SLC39A12: variants seen among roughly 807,000 people sequenced by gnomAD.
The protein encoded by SLC39A12 is solute carrier family 39 member 12.
SLC39A12 carries 63 observed loss-of-function variants against 71.1 expected under a neutral mutation model. The observed-to-expected ratio is 0.89, with a 90% CI of 0.72 to 1.09. The LOEUF (loss-of-function observed/expected upper bound fraction) is 1.09. Among genes scored for constraint, SLC39A12 ranks in the 50% least tolerant of loss-of-function variants. The pLI, the probability that SLC39A12 is intolerant of heterozygous loss-of-function variation, is 0.00. For synonymous variants in SLC39A12, 351 were observed against 301.3 expected, an observed-to-expected ratio of 1.16 and a Z score of -1.71; for missense variants, 892 against 812.6, an observed-to-expected ratio of 1.10 and a Z score of -1.19.
At position 17,964,879 on chromosome 10, in the gene SLC39A12, A is replaced by G. The variant is rs113337772; in HGVS notation, c.544-604A>G. ...AGTTTTAAGGATGTTAAACAATAAGAGCAGGAGTTCCCCTTGGAGAAAACA... is the reference window on the plus strand; with the variant it reads ...AGTTTTAAGGATGTTAAACAATAAGGGCAGGAGTTCCCCTTGGAGAAAACA... On this transcript the variant is annotated intron_variant, in intron 3 of 12. Transcript: ENST00000377369. Among the ~76,000 whole-genome samples the G allele has an allele frequency of 3.1e-3, 475 of 152,318 alleles. 2 individuals are homozygous for G. The highest frequency in any genetic ancestry group is 0.011 in the African/African-American group (447 of 41,572).
intron 12 of SLC39A12, among the ~76,000 whole-genome samples, chr10:18,027,404 G>A (rs572378107): frequency 2.0e-5 from 3 of 152,288 alleles, no homozygotes; most frequent in South Asian, 4.1e-4. Context: ...AGAATGCTCT[G>A]GTATATTTCA....
chr10:17,984,790 C>A (rs1835359210), intron 6 of SLC39A12, among the ~76,000 whole-genome samples: 1 of 152,178 alleles, frequency 6.6e-6, no homozygotes, highest in African/African-American at 2.4e-5. Context: ...AGAACTTTTT[C>A]ATCTTGCAAA....
chr10:18,036,765 TATATATATATATATA>T (rs1837042731), intron 12 of SLC39A12, among the ~76,000 whole-genome samples: 2 of 15,412 alleles, frequency 1.3e-4, no homozygotes, highest in African/African-American at 3.5e-4. Flanking sequence ...TATATATATA[TATATATATATATATA>T]TATATATATA....
chr10:18,042,567 A>T (rs1402818946), intron 12 of SLC39A12, 138 bp from the exon 13 acceptor site: 6 of 710,862 alleles, frequency 8.4e-6, no homozygotes, highest in Non-Finnish European at 1.3e-5. Context: ...TAGAGTAGGT[A>T]TTCAGCATTT....
At chr10:18,042,583 C>T (rs1293969890) in intron 12 of SLC39A12, 122 bp from the exon 13 acceptor site, 35 of 873,046 alleles carry the variant, frequency 4.0e-5, no homozygotes, top group Non-Finnish European at 4.9e-5. Context: ...CATTTTGTAA[C>T]TGTTTTGGGA....
intron 5 of SLC39A12, among the ~76,000 whole-genome samples, chr10:17,980,241 G>T (rs926707193): frequency 6.6e-6 from 1 of 151,862 alleles, no homozygotes; most frequent in Admixed American, 6.6e-5. Flanking sequence ...ATAAAACTTT[G>T]TATCCATGAA....
chr10:18,028,931 G>A (rs2497776), intron 12 of SLC39A12, among the ~76,000 whole-genome samples: 85,380 of 151,930 alleles, frequency 0.56, 25,006 homozygotes, highest in Non-Finnish European at 0.66. Flanking sequence ...TACTGGTCAG[G>A]CTGGTCTTGA....
chr10:18,012,377 T>C (rs766669757), intron 12 of SLC39A12, among the ~76,000 whole-genome samples: 3 of 152,218 alleles, frequency 2.0e-5, no homozygotes, highest in Non-Finnish European at 4.4e-5. Flanking sequence ...CAGAATGTTG[T>C]AGAAAGGGAA....
At chr10:18,000,331 G>A (rs573289011) in intron 10 of SLC39A12, among the ~76,000 whole-genome samples, 8 of 152,322 alleles carry the variant, frequency 5.3e-5, no homozygotes, top group Admixed American at 1.3e-4. Flanking sequence ...CATTGCAAAA[G>A]ACAGACGGGA....
At chr10:18,005,893 A>G (rs1028506264) in intron 12 of SLC39A12, 5 of 152,124 alleles carry the variant, frequency 3.3e-5, no homozygotes, top group Admixed American at 1.3e-4. Context: ...GCTACTTCCT[A>G]TCATCCAGGT....
intron 1 of SLC39A12, among the ~76,000 whole-genome samples, chr10:17,952,314 T>A (rs1834421323): frequency 6.6e-6 from 1 of 151,496 alleles, no homozygotes; most frequent in South Asian, 2.1e-4. Context: ...AGTGAGTGTG[T>A]GTGTGTGTGT....
chr10:17,989,793 C>T (rs1926738), intron 7 of SLC39A12, among the ~76,000 whole-genome samples: 35,097 of 151,868 alleles, frequency 0.23, 5,018 homozygotes, highest in Admixed American at 0.36. Flanking sequence ...TGGTGGGCGC[C>T]TGTAACCCCA....
intron 12 of SLC39A12, among the ~76,000 whole-genome samples, chr10:18,015,732 A>T (rs1222264492): frequency 1.3e-5 from 2 of 152,076 alleles, no homozygotes; most frequent in African/African-American, 2.4e-5. Context: ...CTCAAAGTGG[A>T]TGTGTAACTC....
intron 12 of SLC39A12, among the ~76,000 whole-genome samples, chr10:18,008,932 G>A (rs41314968): frequency 6.6e-6 from 1 of 151,970 alleles, no homozygotes; most frequent in African/African-American, 2.4e-5. Flanking sequence ...CTTAAATCCA[G>A]CTTCTCTAAA....
At chr10:17,990,028 C>A (rs941876525) in intron 7 of SLC39A12, among the ~76,000 whole-genome samples, 2 of 152,146 alleles carry the variant, frequency 1.3e-5, no homozygotes, top group African/African-American at 2.4e-5. Flanking sequence ...AACGTCTGCA[C>A]AGAAGTGAGA....
intron 12 of SLC39A12, among the ~76,000 whole-genome samples, chr10:18,036,141 G>A (rs1271657402): frequency 6.6e-6 from 1 of 152,252 alleles, no homozygotes; most frequent in Non-Finnish European, 1.5e-5. Flanking sequence ...GCCTGCAGTG[G>A]CAGGCAGGCC....
At chr10:17,999,387 G>A (rs992797053) in intron 10 of SLC39A12, among the ~76,000 whole-genome samples, 10 of 150,666 alleles carry the variant, frequency 6.6e-5, no homozygotes, top group African/African-American at 9.8e-5. Context: ...CAATATATAT[G>A]CAACTGAATA....
chr10:18,005,879 C>A (rs976840020), intron 12 of SLC39A12: 1 of 152,144 alleles, frequency 6.6e-6, no homozygotes, highest in Non-Finnish European at 1.5e-5. Context: ...GTGAGTTTCC[C>A]GGGGCTACTT....
chr10:18,035,191 G>T (rs1248662075), intron 12 of SLC39A12, among the ~76,000 whole-genome samples: 6 of 148,708 alleles, frequency 4.0e-5, no homozygotes, highest in Non-Finnish European at 8.9e-5. Context: ...CTGAATGTTG[G>T]CCTGCCTTGC....
Sources: allele counts gnomAD v4.1 joint callset (sites outside exome capture counted in the v4.1 genomes callset), GRCh38; gene constraint gnomAD v4.1.1; transcripts MANE v1.5; gene names NCBI Gene and HGNC (gene_info 2026-07-23, HGNC 2026-07-21).